Variants in SLCO3A1 observed in about 807,000 individuals in gnomAD.
SLCO3A1 encodes the protein PGE1 transporter.
Under a neutral mutation model 63.1 loss-of-function variants are expected in SLCO3A1, and 27 were observed. That is an observed-to-expected ratio of 0.43 (90% CI 0.32 to 0.59). SLCO3A1 has a LOEUF of 0.59. SLCO3A1 is among the 20% of genes least tolerant of loss of function. SLCO3A1 has a pLI of 0.09. For synonymous variants in SLCO3A1, 473 were observed against 409.9 expected (o/e 1.15, Z -1.86); for missense variants, 773 against 945.8 (o/e 0.82, Z 2.40).
intron 2 of SLCO3A1, among the ~76,000 whole-genome samples, chr15:91,992,027 A>G (rs926858597): frequency 2.0e-5 from 3 of 152,234 alleles, no homozygotes; most frequent in African/African-American, 7.2e-5. Flanking sequence ...TCCATCGTGC[A>G]TGGCTTCCAA....
chr15:92,073,149 C>G (rs1269098920), intron 2 of SLCO3A1, among the ~76,000 whole-genome samples: 1 of 152,080 alleles, frequency 6.6e-6, no homozygotes, highest in Admixed American at 6.5e-5. Flanking sequence ...AAGGCCTACG[C>G]TGGGAAATGG....
Position 91,968,925 on chromosome 15 carries a change from TAG to T in SLCO3A1, c.646+52470_646+52471del, listed in dbSNP as rs1440814755. 8.5e-5 allele frequency among the ~76,000 whole-genome samples: 13 copies of T among 152,220 alleles called. No individual in the cohort carries two copies. Among genetic ancestry groups the T allele is most frequent in the Admixed American group, 8.5e-4 (13 of 15,290 alleles). On this transcript the variant is annotated intron_variant, in intron 2 of 9. Coordinates refer to ENST00000318445, the MANE Select transcript of SLCO3A1 (RefSeq NM_013272.4). This position sits in a 1 kb window ranked among gnomAD's most constrained non-coding sequence, Gnocchi z 4.2. ...TCTGGCAAACTCGTGTTGCTCCATG[TAG>T]AGTCAGCTCAGAGGTCCCTTCCTCT...
intron 2 of SLCO3A1, among the ~76,000 whole-genome samples, chr15:91,987,599 C>T (rs920863761): frequency 2.6e-5 from 4 of 151,904 alleles, no homozygotes; most frequent in Non-Finnish European, 5.9e-5. Flanking sequence ...AAAAATTAGC[C>T]GGGTGTGGTG....
rs764887174 is a variant in SLCO3A1 at position 92,128,372 on chromosome 15, G to T, written c.1395G>T (p.Leu465=). 1.2e-6 allele frequency: 2 copies of T among 1,614,092 alleles called. No individual in the cohort carries two copies. The highest frequency in any genetic ancestry group is 3.3e-5 in the Admixed American group (2 of 60,008). Residue 465 remains leucine, a synonymous_variant, in exon 7 of 10, where the codon CTG becomes CTT. Transcript: ENST00000318445. The part of the protein sequence containing the change: ...YGNSTAPGSA[L]DPYSPCNNNC... ...CCAGCACAGCACCTGGCTCAGCCCT[G>T]GACCCCTACTCGCCCTGCAATAATA...
At chr15:92,043,634 A>T (rs776140651) in intron 2 of SLCO3A1, among the ~76,000 whole-genome samples, 119 of 152,208 alleles carry the variant, frequency 7.8e-4, no homozygotes, top group Non-Finnish European at 3.4e-4. Flanking sequence ...TTTCATTTGT[A>T]TTCCTTTCTT....
chr15:92,146,718 G>A (rs1235516145), intron 7 of SLCO3A1, among the ~76,000 whole-genome samples: 1 of 152,216 alleles, frequency 6.6e-6, no homozygotes, highest in Non-Finnish European at 1.5e-5. Context: ...ACATTTATCT[G>A]TGGTTCAGCT....
At chr15:92,101,748 T>C (rs1341000013) in intron 3 of SLCO3A1, among the ~76,000 whole-genome samples, 2 of 152,054 alleles carry the variant, frequency 1.3e-5, no homozygotes, top group East Asian at 3.9e-4. Context: ...CAGTGATGAG[T>C]GTCTTGGATC....
At chr15:92,128,817 A>G (rs1022658435) in intron 7 of SLCO3A1, among the ~76,000 whole-genome samples, 1 of 152,198 alleles carries the variant, frequency 6.6e-6, no homozygotes, top group Non-Finnish European at 1.5e-5. Flanking sequence ...GCTCCCCATC[A>G]CCAGAAGTAT....
At chr15:92,058,394 C>A (rs925731050) in intron 2 of SLCO3A1, among the ~76,000 whole-genome samples, 3 of 152,098 alleles carry the variant, frequency 2.0e-5, no homozygotes, top group Admixed American at 2.0e-4. Context: ...TTAAAATCAA[C>A]CAAATGATTG....
At chr15:92,015,903 A>C (rs1349018653) in intron 2 of SLCO3A1, among the ~76,000 whole-genome samples, 5 of 152,198 alleles carry the variant, frequency 3.3e-5, no homozygotes, top group Non-Finnish European at 7.3e-5. Context: ...AAAGTAAGAC[A>C]TAAGAAAAAT....
rs1382639368 is a variant in SLCO3A1 at position 91,948,420 on chromosome 15, C to A, written c.646+31962C>A. On this transcript the variant is annotated intron_variant, in intron 2 of 9. Coordinates refer to ENST00000318445, the MANE Select transcript of SLCO3A1 (RefSeq NM_013272.4). This position sits in a 1 kb window ranked among gnomAD's most constrained non-coding sequence, Gnocchi z 4.8. ...CAGCATCCTATTCCTGCAGATAAGC[C>A]TACAGGCTCTGTAGGAGTGCCGGCA... Among the ~76,000 whole-genome samples the A allele has an allele frequency of 2.0e-5, 3 of 152,186 alleles. No homozygotes were observed. The highest frequency in any genetic ancestry group is 7.2e-5 in the African/African-American group (3 of 41,436).
intron 2 of SLCO3A1, among the ~76,000 whole-genome samples, chr15:92,073,692 G>A (rs1011993637): frequency 2.0e-5 from 3 of 152,160 alleles, no homozygotes; most frequent in Admixed American, 6.5e-5. Context: ...ATTTTAGAAC[G>A]GATAATTATT....
chr15:92,041,944 G>A (rs2046804324), intron 2 of SLCO3A1, among the ~76,000 whole-genome samples: 1 of 152,082 alleles, frequency 6.6e-6, no homozygotes, highest in Non-Finnish European at 1.5e-5. Flanking sequence ...GTATGGTGGG[G>A]GTGGGGTGTT....
At position 92,033,357 on chromosome 15, in the gene SLCO3A1, G is replaced by A. The variant is rs2046679628; in HGVS notation, c.647-61524G>A. On this transcript the variant is annotated intron_variant, in intron 2 of 9. Transcript: ENST00000318445. This position sits in a 1 kb window ranked among gnomAD's most constrained non-coding sequence, Gnocchi z 4.5. ...CTTCTGCAACCCTCCTCTCCTCCAA[G>A]AGCAGGGTAACTTCCTCCTCTTGCA... Among the ~76,000 whole-genome samples, 1 of 152,208 alleles carries A rather than the reference G, an allele frequency of 6.6e-6. No homozygotes were observed.
intron 1 of SLCO3A1, 142 bp from the exon 2 acceptor site, chr15:91,915,851 C>A: frequency 1.4e-6 from 1 of 697,170 alleles, no homozygotes; most frequent in Non-Finnish European, 2.5e-6. Flanking sequence ...GGCATTTACA[C>A]AGCTGCCTTT....
chr15:91,984,809 A>C (rs1309607018), intron 2 of SLCO3A1, among the ~76,000 whole-genome samples: 1 of 152,130 alleles, frequency 6.6e-6, no homozygotes, highest in Non-Finnish European at 1.5e-5. Flanking sequence ...TGTTTGCTGA[A>C]TTGTCATTGC....
chr15:92,103,453 C>T (rs547377641), intron 3 of SLCO3A1, among the ~76,000 whole-genome samples: 1 of 152,190 alleles, frequency 6.6e-6, no homozygotes, highest in Admixed American at 6.5e-5. Context: ...CCCCTTTAAG[C>T]ACATGAGTTG....
intron 2 of SLCO3A1, among the ~76,000 whole-genome samples, chr15:92,087,255 A>C (rs1416165488): frequency 6.6e-6 from 1 of 150,646 alleles, no homozygotes; most frequent in Non-Finnish European, 1.5e-5. Context: ...ACACTTTGTC[A>C]TAAAGCAGGT....
rs2046900386 is a variant in SLCO3A1, at chr15:92,047,581, T to TTATATATATATAATATATA, written c.647-47300_647-47299insTATATATATATAATATATA. Reference sequence around the variant, plus strand: ...ATAAATATATATATAAATATATATATAATATATATATAATATATAATATAT... The same window carrying TTATATATATATAATATATA: ...ATAAATATATATATAAATATATATATTATATATATATAATATATAAATATATATATAATATATAATATAT... On this transcript the variant is annotated intron_variant, in intron 2 of 9. Coordinates refer to ENST00000318445, the MANE Select transcript of SLCO3A1 (RefSeq NM_013272.4). Among the ~76,000 whole-genome samples, 2 of 8,570 alleles carry TTATATATATATAATATATA rather than the reference T, an allele frequency of 2.3e-4. 1 individual carries two copies. The highest frequency in any genetic ancestry group is 7.7e-3 in the Admixed American group (2 of 260). The allele number at this position is 8,570 out of a possible 152,430, so 5.6% of individuals were successfully genotyped here.
Sources: allele counts gnomAD v4.1 joint callset (sites outside exome capture counted in the v4.1 genomes callset), GRCh38; gene constraint gnomAD v4.1.1; non-coding constraint Gnocchi (gnomAD v3.1); transcripts MANE v1.5; gene names NCBI Gene and HGNC (gene_info 2026-07-23, HGNC 2026-07-21).